The following PTPRQ variants were observed in gnomAD, a reference collection of about 807,000 sequenced individuals.
PTPRQ encodes the protein phosphatidylinositol phosphatase PTPRQ.
Under a neutral mutation model 246.0 loss-of-function variants are expected in PTPRQ, and 199 were observed. The ratio of observed to expected loss-of-function variants is 0.81; its 90% CI spans 0.72 to 0.91. The LOEUF is 0.91. PTPRQ is among the 40% of genes least tolerant of loss of function. The probability of loss-of-function intolerance (pLI) is 0.00; values close to 1 mark genes in which losing one functional copy is unlikely to be tolerated. For synonymous variants in PTPRQ, 869 were observed against 853.2 expected, an observed-to-expected ratio of 1.02 and a Z score of -0.32; for missense variants, 2,624 against 2,528.4, an observed-to-expected ratio of 1.04 and a Z score of -0.81.
chr12:80,634,997 A>T lies in PTPRQ; in HGVS notation c.5839A>T (p.Ile1947Phe). ...GGTYSPQDAEIIDTKLKLDQL... is the reference protein window; with the variant it reads ...GGTYSPQDAEFIDTKLKLDQL... ...CACATACTCTCCTCAGGATGCAGAA[A>T]TTATTGACACTAAATTGAAGCTGGA... The change falls in exon 35 of 45, where the codon ATT becomes TTT. Residue 1947 changes from isoleucine (I) to phenylalanine (F), a missense_variant. Transcript: ENST00000644991. The T allele has an allele frequency of 6.4e-7, 1 of 1,551,466 alleles. No individual in the cohort carries two copies. Among genetic ancestry groups the T allele is most frequent in the South Asian group, 1.2e-5 (1 of 84,030 alleles).
intron 38 of PTPRQ, among the ~76,000 whole-genome samples, chr12:80,657,770 T>C (rs547630948): frequency 6.6e-6 from 1 of 151,966 alleles, no homozygotes; most frequent in South Asian, 2.1e-4. Context: ...ATAAAGAATA[T>C]GTATAGAAAA....
At chr12:80,518,529 T>C (rs897894681) in intron 17 of PTPRQ, among the ~76,000 whole-genome samples, 1 of 152,162 alleles carries the variant, frequency 6.6e-6, no homozygotes, top group Non-Finnish European at 1.5e-5. Context: ...TTGCCTATGC[T>C]TGTGGGGTAT....
chr12:80,517,433 C>T (rs950324636), intron 17 of PTPRQ, among the ~76,000 whole-genome samples: 10 of 152,000 alleles, frequency 6.6e-5, no homozygotes, highest in Admixed American at 5.9e-4. Flanking sequence ...TTGATACAAG[C>T]GTGTAACAAG....
chr12:80,664,771 T>G (rs549785975), intron 39 of PTPRQ, among the ~76,000 whole-genome samples: 2 of 152,122 alleles, frequency 1.3e-5, no homozygotes, highest in African/African-American at 4.8e-5. Context: ...ACTCAGAAAA[T>G]TAGCCTTAAG....
chr12:80,480,018 T>C (rs1245493924), intron 8 of PTPRQ, among the ~76,000 whole-genome samples: 4 of 152,084 alleles, frequency 2.6e-5, no homozygotes, highest in Non-Finnish European at 2.9e-5. Flanking sequence ...CTGCACCAAG[T>C]GGACCTAATA....
chr12:80,446,533 C>A (rs1892559983), intron 3 of PTPRQ, among the ~76,000 whole-genome samples: 1 of 151,618 alleles, frequency 6.6e-6, no homozygotes, highest in Non-Finnish European at 1.5e-5. Context: ...ATACCCATCA[C>A]CCAAATAGTA....
chr12:80,655,029 GC>G (rs1332847262), intron 38 of PTPRQ, among the ~76,000 whole-genome samples: 2 of 152,080 alleles, frequency 1.3e-5, no homozygotes, highest in Admixed American at 6.5e-5. Flanking sequence ...AGATTTCAGT[GC>G]ATTATTATCT....
At chr12:80,501,932 G>C (rs1025862137) in intron 14 of PTPRQ, among the ~76,000 whole-genome samples, 1 of 138,102 alleles carries the variant, frequency 7.2e-6, no homozygotes, top group Non-Finnish European at 1.5e-5. Flanking sequence ...GATTAACAGA[G>C]TATGATAGGC....
intron 26 of PTPRQ, among the ~76,000 whole-genome samples, chr12:80,594,233 A>G (rs1292532871): frequency 6.6e-6 from 1 of 152,186 alleles, no homozygotes; most frequent in East Asian, 1.9e-4. Context: ...TGTTATAGTA[A>G]CAGAGGTAGA....
intron 33 of PTPRQ, among the ~76,000 whole-genome samples, chr12:80,629,200 A>T (rs1038295281): frequency 6.6e-6 from 1 of 151,824 alleles, no homozygotes; most frequent in African/African-American, 2.4e-5. Flanking sequence ...AGAGAGAGAG[A>T]TGGAGAACAA....
intron 38 of PTPRQ, among the ~76,000 whole-genome samples, chr12:80,655,285 T>A (rs940323552): frequency 1.3e-5 from 2 of 152,154 alleles, no homozygotes; most frequent in Non-Finnish European, 2.9e-5. Context: ...TATTCAGTGG[T>A]CTCTACCCCA....
chr12:80,496,306 A>T lies in PTPRQ; in HGVS notation c.2047A>T (p.Arg683Trp). 6.4e-7 allele frequency: 1 copy of T among 1,550,762 alleles called. No homozygotes were observed. The highest frequency in any genetic ancestry group is 8.7e-7 in the Non-Finnish European group (1 of 1,146,440). ...EVIDVTADEI[R>W]LKWSPPEKPN... ...AATTGATGTTACCGCAGATGAAATAAGGTTGAAGTGGTCACCACCCGAAAA... is the reference window on the plus strand; with the variant it reads ...AATTGATGTTACCGCAGATGAAATATGGTTGAAGTGGTCACCACCCGAAAA... The change falls in exon 14 of 45, where the codon AGG becomes TGG. Residue 683 changes from arginine (R) to tryptophan (W), a missense_variant. Physicochemically the swap from Arg to Trp is moderately radical, Grantham distance 101 (BLOSUM62 -3). Transcript: ENST00000644991.
chr12:80,469,938 G>T (rs183517410), intron 7 of PTPRQ, among the ~76,000 whole-genome samples: 13 of 152,296 alleles, frequency 8.5e-5, no homozygotes, highest in African/African-American at 2.9e-4. Context: ...TGGAACATGT[G>T]GGGTAAATAC....
rs140849298 is a variant in PTPRQ at position 80,537,969 on chromosome 12, C to T, written c.2986-1807C>T. Among the ~76,000 whole-genome samples the T allele has an allele frequency of 7.8e-4, 119 of 152,064 alleles. 2 individuals are homozygous for T. The highest frequency in any genetic ancestry group is 8.3e-4 in the South Asian group (4 of 4,808). On this transcript the variant is annotated intron_variant, in intron 19 of 44. Coordinates refer to ENST00000644991, the MANE Select transcript of PTPRQ (RefSeq NM_001145026.2). ...CTAAAAATACAAAAAATTAGCCGGG[C>T]ATGGTGGCAGGCTCCTGTAGTCCCA... is the stretch of plus-strand genomic sequence containing the variant.
chr12:80,482,800 G>T (rs1219368589), intron 8 of PTPRQ, among the ~76,000 whole-genome samples: 2 of 149,054 alleles, frequency 1.3e-5, no homozygotes, highest in African/African-American at 2.6e-5. Context: ...GGCCATCAGA[G>T]AAATGCAAAT....
chr12:80,450,308 T>C (rs1892712006), intron 3 of PTPRQ, among the ~76,000 whole-genome samples: 3 of 152,172 alleles, frequency 2.0e-5, no homozygotes, highest in African/African-American at 7.2e-5. Context: ...AGATATACAA[T>C]CATGTCATCT....
intron 24 of PTPRQ, among the ~76,000 whole-genome samples, chr12:80,547,927 G>A (rs1053006157): frequency 1.3e-5 from 2 of 152,012 alleles, no homozygotes; most frequent in African/African-American, 4.8e-5. Flanking sequence ...TAGATGAAAA[G>A]GACCTTGAAA....
In PTPRQ at chr12:80,542,292, T is replaced by C; in HGVS notation, c.3649T>C (p.Phe1217Leu). The change falls in exon 22 of 45, where the codon TTT (phenylalanine) becomes CTT (leucine). Residue 1217 changes from phenylalanine (F) to leucine (L), a missense_variant. Phe to Leu is a conservative substitution (Grantham distance 22). Coordinates refer to ENST00000644991, the MANE Select transcript of PTPRQ (RefSeq NM_001145026.2). ...GCTTTCACCATTTACATTATATAGCTTTTTTGCTGCCGCAAGAACTAGAAA... is the reference window on the plus strand; with the variant it reads ...GCTTTCACCATTTACATTATATAGCCTTTTTGCTGCCGCAAGAACTAGAAA... ...EELSPFTLYS[F>L]FAAARTRKGL... 3 of 1,549,738 alleles carry C rather than the reference T, an allele frequency of 1.9e-6. No individual in the cohort carries two copies. Among genetic ancestry groups the C allele is most frequent in the Non-Finnish European group, 1.7e-6 (2 of 1,146,316 alleles).
Position 80,541,861 on chromosome 12 carries a change from T to C in PTPRQ, c.3445+16T>C, listed in dbSNP as rs778605957. The C allele has an allele frequency of 4.6e-4, 694 of 1,511,340 alleles. 2 individuals are homozygous for C. Among genetic ancestry groups the C allele is most frequent in the South Asian group, 7.3e-4 (55 of 75,286 alleles). 93.6% of individuals were successfully genotyped at this position (1,511,340 alleles called of 1,614,324 possible). The stretch of plus-strand genomic sequence containing the variant: ...GAAGAAGATGGTAGGCTAGACCCTT[T>C]TATTGTCTGTTAAGCAGATTGTTGT... On this transcript the variant is annotated intron_variant, in intron 21 of 44. Coordinates refer to ENST00000644991, the MANE Select transcript of PTPRQ (RefSeq NM_001145026.2).
Sources: gnomAD v4.1 joint callset for allele counts (sites outside exome capture counted in the v4.1 genomes callset) on GRCh38, gnomAD v4.1.1 for gene constraint, MANE v1.5 for transcripts, NCBI Gene and HGNC (gene_info 2026-07-23, HGNC 2026-07-21) for gene names.